KLHL8: variants seen among roughly 807,000 people sequenced by gnomAD.
KLHL8 encodes the protein kelch like family member 8, also known as kelch-like protein 8.
KLHL8 carries 38 observed loss-of-function variants against 63.5 expected under a neutral mutation model. That is an observed-to-expected ratio of 0.60 (90% CI 0.46 to 0.78). KLHL8 has a LOEUF of 0.78. Among genes scored for constraint, KLHL8 ranks in the 30% least tolerant of loss-of-function variants. The pLI is 0.00. For synonymous variants in KLHL8, 224 were observed against 254.3 expected (o/e 0.88, Z 1.13); for missense variants, 566 against 752.4 (o/e 0.75, Z 2.90).
rs765274896 is a variant in KLHL8, at chr4:87,170,455, C to T, written c.1369G>A (p.Ala457Thr). 14 of 1,599,358 alleles carry T rather than the reference C, an allele frequency of 8.8e-6. No homozygotes were observed. Among genetic ancestry groups the T allele is most frequent in the Non-Finnish European group, 1.2e-5 (14 of 1,176,040 alleles). ...GTTGCCATATAACTTACTACTAGAG[C>T]AACAGAGCCAACTCCTCCACGGGGA... Reference protein sequence around the residue: ...NTPRGGVGSVALVNHVYAVGG... With the variant: ...NTPRGGVGSVTLVNHVYAVGG... Residue 457 changes from alanine to threonine, a missense_variant, in exon 7 of 10, where the codon GCT (alanine) becomes ACT (threonine). Ala to Thr is a moderately conservative substitution (Grantham distance 58). Coordinates refer to ENST00000273963, the MANE Select transcript of KLHL8 (RefSeq NM_020803.5).
Position 87,195,492 on chromosome 4 carries a change from T to C in KLHL8, c.48A>G (p.Thr16=). 1 of 1,613,838 alleles carries C rather than the reference T, an allele frequency of 6.2e-7. No homozygotes were observed. Among genetic ancestry groups the C allele is most frequent in the Non-Finnish European group, 8.5e-7 (1 of 1,179,942 alleles). The change falls in exon 2 of 10, where the codon ACA becomes ACG. Residue 16 remains threonine (T), a synonymous_variant. Transcript: ENST00000273963. ...GGTGCTGTTGTTGCCTTTTCCCCTTTGTAATGTGATTCCTAGCTTGTTTAC... is the reference window on the plus strand; with the variant it reads ...GGTGCTGTTGTTGCCTTTTCCCCTTCGTAATGTGATTCCTAGCTTGTTTAC... ...MSSKQARNHI[T]KGKRQQQHQQ... is the part of the protein sequence containing the mutation.
chr4:87,182,181 C>T (rs1160240799), intron 4 of KLHL8, among the ~76,000 whole-genome samples: 2 of 139,298 alleles, frequency 1.4e-5, no homozygotes, highest in African/African-American at 2.7e-5. Flanking sequence ...GTGAGCCAGC[C>T]GAGATCGCGC....
intron 1 of KLHL8, among the ~76,000 whole-genome samples, chr4:87,211,588 T>C (rs1258975749): frequency 6.6e-6 from 1 of 152,160 alleles, no homozygotes; most frequent in East Asian, 1.9e-4. Flanking sequence ...GCCCAGGAGT[T>C]TGAGACCAGC....
intron 1 of KLHL8, among the ~76,000 whole-genome samples, chr4:87,197,003 C>T (rs995837231): frequency 6.6e-6 from 1 of 152,224 alleles, no homozygotes; most frequent in Non-Finnish European, 1.5e-5. Context: ...AATATTCTAA[C>T]CAGAACTTTA....
intron 1 of KLHL8, among the ~76,000 whole-genome samples, chr4:87,200,002 G>T (rs531097157): frequency 5.3e-5 from 8 of 151,044 alleles, no homozygotes; most frequent in African/African-American, 1.9e-4. Flanking sequence ...TTAGCTGGAC[G>T]TGGTAGCATG....
At chr4:87,191,228 G>A (rs1291078345) in intron 2 of KLHL8, among the ~76,000 whole-genome samples, 1 of 152,144 alleles carries the variant, frequency 6.6e-6, no homozygotes. Context: ...CAGCAGTTTG[G>A]GAGGCTGAGG....
Position 87,208,361 on chromosome 4 carries a change from CTTT to C in KLHL8, c.-152+12054_-152+12056del, listed in dbSNP as rs1032649971. Among the ~76,000 whole-genome samples the C allele has an allele frequency of 4.1e-3, 615 of 151,198 alleles. 14 individuals carry two copies. The highest frequency in any genetic ancestry group is 3.7e-3 in the East Asian group (19 of 5,142). On this transcript the variant is annotated intron_variant, in intron 1 of 9. Coordinates refer to ENST00000273963, the MANE Select transcript of KLHL8 (RefSeq NM_020803.5). ...TAGTCTAGTGAGTTGTCTTCTTCTT[CTTT>C]TTTTCTTTTTTTTTTTTTTTGAGGC...
rs1285436662 is a variant in KLHL8 at position 87,185,818 on chromosome 4, G to A, written c.217-19C>T. On this transcript the variant is annotated intron_variant, in intron 2 of 9. Coordinates refer to ENST00000273963, the MANE Select transcript of KLHL8 (RefSeq NM_020803.5). ...AGCCAACCTGTTCAAAAGAAACCAA[G>A]AAAGATTCTGTTTAATATCAAAATC... 2.6e-6 allele frequency: 4 copies of A among 1,541,720 alleles called. No individual in the cohort carries two copies. The highest frequency in any genetic ancestry group is 2.6e-6 in the Non-Finnish European group (3 of 1,145,338).
At chr4:87,195,731 GA>G (rs1731670479) in intron 1 of KLHL8, 41 bp from the exon 2 acceptor site, 3 of 476,360 alleles carry the variant, frequency 6.3e-6, no homozygotes, top group East Asian at 3.2e-5. Context: ...CAAACGAAAA[GA>G]AAAAAATTAT....
At position 87,163,033 on chromosome 4, in the gene KLHL8, T is replaced by A. The variant is rs116211995; in HGVS notation, c.*486A>T. 3 of 152,016 alleles carry A rather than the reference T, an allele frequency of 2.0e-5. No individual in the cohort carries two copies. Among genetic ancestry groups the A allele is most frequent in the Non-Finnish European group, 4.4e-5 (3 of 67,960 alleles). 9.4% of individuals were successfully genotyped at this position (152,016 alleles called of 1,614,324 possible). A position where few individuals can be genotyped will look rare whatever the true frequency, so the allele number is the denominator to read the frequency against. ...CCACCTAGAAAAAAAAAGCTAGGCATAAATTCATCAGCACCAAGTAGAAAT... is the reference window on the plus strand; with the variant it reads ...CCACCTAGAAAAAAAAAGCTAGGCAAAAATTCATCAGCACCAAGTAGAAAT... On this transcript the variant is annotated 3_prime_UTR_variant, in exon 10 of 10. Transcript: ENST00000273963.
At chr4:87,230,453 C>T (rs72670104) in intron 1 of KLHL8, among the ~76,000 whole-genome samples, 20,666 of 152,106 alleles carry the variant, frequency 0.14, 1,931 homozygotes, top group East Asian at 0.36. Context: ...CTACTATTAA[C>T]GTTTTTGTTC....
At chr4:87,229,451 A>G (rs1269221627) in intron 1 of KLHL8, among the ~76,000 whole-genome samples, 1 of 136,896 alleles carries the variant, frequency 7.3e-6, no homozygotes, top group Non-Finnish European at 1.5e-5. Context: ...GGGGGGGTGC[A>G]GGGAACAGGG....
rs182455422 is a variant in KLHL8, at chr4:87,182,259, C to G, written c.952+944G>C. On this transcript the variant is annotated intron_variant, in intron 4 of 9. Coordinates refer to ENST00000273963, the MANE Select transcript of KLHL8 (RefSeq NM_020803.5). ...AAAAAAAAAAAAAAAAAATTACTTA[C>G]TTACATCAACCTATAAAAAATGAGG... Among the ~76,000 whole-genome samples, 890 of 143,094 alleles carry G rather than the reference C, an allele frequency of 6.2e-3. 2 individuals are homozygous for G. The highest frequency in any genetic ancestry group is 0.028 in the East Asian group (141 of 5,002). The allele number at this position is 143,094 out of a possible 152,430, so 93.9% of individuals were successfully genotyped here. A position where few individuals can be genotyped will look rare whatever the true frequency, so the allele number is the denominator to read the frequency against.
intron 1 of KLHL8, among the ~76,000 whole-genome samples, chr4:87,238,414 A>C (rs1346381918): frequency 6.6e-6 from 1 of 152,238 alleles, no homozygotes; most frequent in Non-Finnish European, 1.5e-5. Flanking sequence ...TTGGCCAGGC[A>C]TGGTGGTGGC....
intron 1 of KLHL8, among the ~76,000 whole-genome samples, chr4:87,239,404 A>G (rs955522397): frequency 3.3e-5 from 5 of 152,230 alleles, no homozygotes; most frequent in Non-Finnish European, 7.3e-5. Flanking sequence ...TCTGATGTGT[A>G]ATACAGACTT....
At chr4:87,190,033 C>CAAAAAA (rs35607781) in intron 2 of KLHL8, among the ~76,000 whole-genome samples, 2 of 76,740 alleles carry the variant, frequency 2.6e-5, no homozygotes, top group Non-Finnish European at 4.6e-5. Context: ...GCCTCCATCT[C>CAAAAAA]AAAAAAAAAA....
intron 1 of KLHL8, among the ~76,000 whole-genome samples, chr4:87,236,727 C>G (rs1296994683): frequency 7.0e-6 from 1 of 142,036 alleles, no homozygotes; most frequent in East Asian, 2.2e-4. Context: ...TGCAGTGACA[C>G]AATCTCAGCT....
intron 1 of KLHL8, among the ~76,000 whole-genome samples, chr4:87,209,338 T>C (rs1287115440): frequency 6.6e-6 from 1 of 152,120 alleles, no homozygotes; most frequent in Non-Finnish European, 1.5e-5. Context: ...ATGCTACAGA[T>C]GTCCATTTCT....
chr4:87,178,392 C>T, intron 5 of KLHL8, 85 bp downstream of exon 5: 2 of 1,339,498 alleles, frequency 1.5e-6, no homozygotes, highest in South Asian at 2.8e-5. Context: ...TAGTCATTTT[C>T]TTATATAAAA....
Sources: gnomAD v4.1 joint callset for allele counts (sites outside exome capture counted in the v4.1 genomes callset) on GRCh38, gnomAD v4.1.1 for gene constraint, MANE v1.5 for transcripts, NCBI Gene and HGNC (gene_info 2026-07-23, HGNC 2026-07-21) for gene names.